Variants in EYS observed in about 807,000 individuals in gnomAD.
The protein encoded by EYS is EGF-like photoreceptor maintenance factor.
EYS carries 250 observed loss-of-function variants against 282.1 expected under a neutral mutation model. The observed-to-expected ratio is 0.89, with a 90% CI of 0.80 to 0.98. EYS has a LOEUF of 0.98. Ranked by LOEUF, EYS falls within the 50% of genes least tolerant of loss-of-function variation. EYS has a pLI of 0.00. For missense variants in EYS, 4,016 were observed against 3,709.0 expected (o/e 1.08, Z -2.15); for synonymous variants, 1,355 against 1,282.9 (o/e 1.06, Z -1.20).
intron 31 of EYS, among the ~76,000 whole-genome samples, chr6:64,183,266 C>A (rs561743891): frequency 8.7e-4 from 132 of 152,226 alleles, no homozygotes; most frequent in African/African-American, 3.2e-3. Flanking sequence ...TTATAAATTA[C>A]CCAGTCTCAA....
At chr6:65,266,030 A>G (rs947506803) in intron 12 of EYS, among the ~76,000 whole-genome samples, 4 of 151,554 alleles carry the variant, frequency 2.6e-5, no homozygotes, top group African/African-American at 9.7e-5. Context: ...AGAAAAAAAT[A>G]TGTTTGCCTT....
chr6:65,144,632 C>T (rs1188398024), intron 12 of EYS, among the ~76,000 whole-genome samples: 6 of 152,060 alleles, frequency 3.9e-5, no homozygotes, highest in Admixed American at 1.3e-4. Flanking sequence ...TCTCTGTCTC[C>T]ATGATCATAA....
At chr6:63,937,475 G>A (rs1229004478) in intron 35 of EYS, among the ~76,000 whole-genome samples, 7 of 142,082 alleles carry the variant, frequency 4.9e-5, no homozygotes, top group Non-Finnish European at 1.1e-4. Context: ...CCGCCTCCCG[G>A]GTTCACGCCA....
intron 26 of EYS, among the ~76,000 whole-genome samples, chr6:64,587,069 G>A (rs763668513): frequency 2.6e-5 from 4 of 152,006 alleles, no homozygotes; most frequent in Non-Finnish European, 4.4e-5. Flanking sequence ...AGCTGTCACC[G>A]TAATACAGGG....
intron 24 of EYS, among the ~76,000 whole-genome samples, chr6:64,608,081 T>C (rs1006136837): frequency 6.6e-6 from 1 of 152,176 alleles, no homozygotes; most frequent in Non-Finnish European, 1.5e-5. Flanking sequence ...TAGAAAACAA[T>C]GCATTATATC....
intron 12 of EYS, among the ~76,000 whole-genome samples, chr6:65,141,543 C>T (rs940302015): frequency 1.3e-5 from 2 of 151,856 alleles, no homozygotes; most frequent in Non-Finnish European, 2.9e-5. Context: ...TTAACAACTA[C>T]AGATTCATGA....
At chr6:65,528,624 T>C (rs923123083) in intron 2 of EYS, among the ~76,000 whole-genome samples, 3 of 152,202 alleles carry the variant, frequency 2.0e-5, no homozygotes, top group African/African-American at 7.2e-5. Context: ...AATTCCAGTG[T>C]CTTGATATTG....
chr6:64,571,374 A>C (rs1329470944), intron 26 of EYS, among the ~76,000 whole-genome samples: 1 of 152,204 alleles, frequency 6.6e-6, no homozygotes, highest in African/African-American at 2.4e-5. Context: ...AGAACTAGAA[A>C]GTAAGAGCAA....
intron 31 of EYS, among the ~76,000 whole-genome samples, chr6:64,223,761 A>G (rs1419790023): frequency 6.6e-6 from 1 of 152,088 alleles, no homozygotes; most frequent in East Asian, 1.9e-4. Flanking sequence ...TGTATATAAT[A>G]ATTGTATTAA....
At chr6:63,830,941 C>A (rs1366343143) in intron 36 of EYS, among the ~76,000 whole-genome samples, 1 of 152,162 alleles carries the variant, frequency 6.6e-6, no homozygotes, top group Non-Finnish European at 1.5e-5. Flanking sequence ...GATTTTCAAC[C>A]CAGAATTTCA....
chr6:63,908,012 G>GTGTATGTATA, intron 35 of EYS, among the ~76,000 whole-genome samples: 1 of 131,174 alleles, frequency 7.6e-6, no homozygotes, highest in South Asian at 2.5e-4. Context: ...ACACACAAAC[G>GTGTATGTATA]TATATATATA....
intron 26 of EYS, among the ~76,000 whole-genome samples, chr6:64,476,463 C>T (rs901583223): frequency 2.0e-5 from 3 of 151,934 alleles, no homozygotes; most frequent in African/African-American, 7.3e-5. Context: ...ACAAACTCTC[C>T]CCAGAAGATC....
At position 64,249,511 on chromosome 6, in the gene EYS, T is replaced by C. The variant is rs1053198313; in HGVS notation, c.6192-18687A>G. 2.0e-5 allele frequency among the ~76,000 whole-genome samples: 3 copies of C among 152,318 alleles called. No individual in the cohort carries two copies. In the South Asian group the frequency reaches 6.2e-4, roughly 32 times the overall value. On this transcript the variant is annotated intron_variant, in intron 30 of 42. Coordinates refer to ENST00000503581, the MANE Select transcript of EYS (RefSeq NM_001142800.2). ...ATCTATGCATATAACAAAATTGTGC[T>C]TGTACTCCATACATTTATAATAATA...
chr6:64,992,806 T>C (rs1462494792), intron 14 of EYS, among the ~76,000 whole-genome samples: 2 of 151,970 alleles, frequency 1.3e-5, no homozygotes, highest in Admixed American at 6.6e-5. Flanking sequence ...AAGGCTTTAG[T>C]ATTTGGACAG....
At chr6:65,123,854 G>T (rs1026813150) in intron 12 of EYS, among the ~76,000 whole-genome samples, 2 of 151,824 alleles carry the variant, frequency 1.3e-5, no homozygotes, top group Non-Finnish European at 1.5e-5. Context: ...TTCTGAAATG[G>T]TGAAAACAGT....
intron 12 of EYS, among the ~76,000 whole-genome samples, chr6:65,222,476 ATTG>A (rs1766494030): frequency 6.6e-6 from 1 of 152,108 alleles, no homozygotes; most frequent in African/African-American, 2.4e-5. Flanking sequence ...TTCTGCCATG[ATTG>A]TGAGGCCTCC....
intron 2 of EYS, among the ~76,000 whole-genome samples, chr6:65,604,842 CTTTTTTTTTT>C (rs10583844): frequency 7.7e-6 from 1 of 130,410 alleles, no homozygotes; most frequent in Non-Finnish European, 1.6e-5. Flanking sequence ...TCACTGCCCC[CTTTTTTTTTT>C]TTTTTTTTTG....
intron 13 of EYS, among the ~76,000 whole-genome samples, chr6:65,037,959 A>T (rs1309836944): frequency 1.3e-5 from 2 of 151,686 alleles, no homozygotes; most frequent in African/African-American, 4.8e-5. Flanking sequence ...TCCTTTCCGT[A>T]TTAGCAGTTC....
intron 22 of EYS, among the ~76,000 whole-genome samples, chr6:64,666,135 C>G (rs867224725): frequency 6.6e-6 from 1 of 152,096 alleles, no homozygotes; most frequent in South Asian, 2.1e-4. Flanking sequence ...AAATAACTAT[C>G]GAGGACTGAG....
Sources: allele counts gnomAD v4.1 joint callset (sites outside exome capture counted in the v4.1 genomes callset), GRCh38; gene constraint gnomAD v4.1.1; transcripts MANE v1.5; gene names NCBI Gene and HGNC (gene_info 2026-07-23, HGNC 2026-07-21).